TMEM132B: variants seen among roughly 807,000 people sequenced by gnomAD.
TMEM132B encodes transmembrane protein 132B.
In TMEM132B, 18 loss-of-function variants were observed where a neutral mutation model predicts 90.8. That is an observed-to-expected ratio of 0.20 (90% CI 0.14 to 0.29). The LOEUF is 0.29. Ranked by LOEUF, TMEM132B falls within the 10% of genes least tolerant of loss-of-function variation. The pLI is 1.00. For synonymous variants in TMEM132B, 504 were observed against 523.3 expected (o/e 0.96, Z 0.50); for missense variants, 1,096 against 1,326.8 (o/e 0.83, Z 2.70).
chr12:125,620,031 T>G (rs1886082797), intron 5 of TMEM132B, among the ~76,000 whole-genome samples: 1 of 152,182 alleles, frequency 6.6e-6, no homozygotes, highest in African/African-American at 2.4e-5. Flanking sequence ...TGTTTAGTCA[T>G]CAGTAAGATG....
rs144013149 is a variant in TMEM132B, at chr12:125,629,374, C to T, written c.1438-14702C>T. 5.8e-3 allele frequency among the ~76,000 whole-genome samples: 886 copies of T among 151,910 alleles called. 4 individuals carry two copies. The highest frequency in any genetic ancestry group is 8.1e-3 in the Non-Finnish European group (552 of 67,862). ...GATCGTTTACTTCTTTGGTTAATTC[C>T]TAGGAATTTAATGTTATTTATTGCT... On this transcript the variant is annotated intron_variant, in intron 5 of 8. Coordinates refer to ENST00000682704, the MANE Select transcript of TMEM132B (RefSeq NM_001366854.1).
At chr12:125,632,455 A>AT (rs1287403432) in intron 5 of TMEM132B, among the ~76,000 whole-genome samples, 1 of 151,890 alleles carries the variant, frequency 6.6e-6, no homozygotes, top group Non-Finnish European at 1.5e-5. Context: ...AATATTCTGT[A>AT]TTTTTCTGTG....
intron 1 of TMEM132B, among the ~76,000 whole-genome samples, chr12:125,303,957 C>T (rs746337321): frequency 1.3e-4 from 20 of 152,168 alleles, no homozygotes; most frequent in Admixed American, 3.9e-4. Flanking sequence ...GGTATAGTGT[C>T]CTCCAATGTA....
Position 125,420,377 on chromosome 12 carries a change from C to A in TMEM132B, c.1106+4700C>A, listed in dbSNP as rs112214645. Among the ~76,000 whole-genome samples the A allele has an allele frequency of 7.7e-3, 1,173 of 152,336 alleles. 16 individuals are homozygous for A. Among genetic ancestry groups the A allele is most frequent in the African/African-American group, 0.027 (1,119 of 41,576 alleles). On this transcript the variant is annotated intron_variant, in intron 3 of 8. Coordinates refer to ENST00000682704, the MANE Select transcript of TMEM132B (RefSeq NM_001366854.1). ...TTCTTAACTTCTGTGCACCTTCAGG[C>A]CCAACACCACATGTAAGCTGCTAAG...
intron 4 of TMEM132B, among the ~76,000 whole-genome samples, chr12:125,546,558 T>G (rs1884099560): frequency 6.6e-6 from 1 of 152,206 alleles, no homozygotes; most frequent in Non-Finnish European, 1.5e-5. Flanking sequence ...TGTATGTAAT[T>G]TTTGGTCTGG....
chr12:125,187,434 C>T (rs1043222048), intron 1 of TMEM132B, among the ~76,000 whole-genome samples: 2 of 152,204 alleles, frequency 1.3e-5, no homozygotes, highest in African/African-American at 4.8e-5. Context: ...CAAATGGCCT[C>T]CTCTTGGCCA....
At chr12:125,299,996 C>G (rs1484964287) in intron 1 of TMEM132B, among the ~76,000 whole-genome samples, 1 of 152,234 alleles carries the variant, frequency 6.6e-6, no homozygotes, top group Non-Finnish European at 1.5e-5. Context: ...TGAGGCCCTG[C>G]AGGGTCTGGC....
At chr12:125,260,659 C>A (rs1874542780) in intron 1 of TMEM132B, among the ~76,000 whole-genome samples, 1 of 152,034 alleles carries the variant, frequency 6.6e-6, no homozygotes, top group African/African-American at 2.4e-5. Context: ...TTAAATTGCC[C>A]CACTTGTTTT....
chr12:125,299,138 C>A (rs1875748100), intron 1 of TMEM132B, among the ~76,000 whole-genome samples: 1 of 152,324 alleles, frequency 6.6e-6, no homozygotes, highest in South Asian at 2.1e-4. Flanking sequence ...CAGGTGTGCA[C>A]CCTGGCGCTC....
At chr12:125,239,125 T>G (rs1166468270) in intron 1 of TMEM132B, among the ~76,000 whole-genome samples, 1 of 151,906 alleles carries the variant, frequency 6.6e-6, no homozygotes. Context: ...AGGTGATGGA[T>G]GGACAATTCA....
intron 2 of TMEM132B, among the ~76,000 whole-genome samples, chr12:125,352,483 C>T (rs1877621047): frequency 1.3e-5 from 2 of 152,220 alleles, no homozygotes; most frequent in South Asian, 2.1e-4. Flanking sequence ...CAGCTGTGTG[C>T]CCTTCGGCAA....
At chr12:125,256,106 C>A (rs1044307274) in intron 1 of TMEM132B, among the ~76,000 whole-genome samples, 13 of 152,126 alleles carry the variant, frequency 8.5e-5, no homozygotes, top group Admixed American at 8.5e-4. Flanking sequence ...TCATCAAACT[C>A]TGAAGATCTT....
chr12:125,362,723 CCTT>C (rs1877999281), intron 2 of TMEM132B, among the ~76,000 whole-genome samples: 1 of 152,144 alleles, frequency 6.6e-6, no homozygotes, highest in African/African-American at 2.4e-5. Context: ...CAGTATTTGT[CCTT>C]CTATAATTGG....
chr12:125,442,008 A>G (rs1880888513), intron 3 of TMEM132B, among the ~76,000 whole-genome samples: 1 of 152,236 alleles, frequency 6.6e-6, no homozygotes, highest in Non-Finnish European at 1.5e-5. Flanking sequence ...ATACACCATT[A>G]GGGGAATGAA....
At chr12:125,644,970 C>G (rs1886723731) in intron 6 of TMEM132B, among the ~76,000 whole-genome samples, 1 of 152,120 alleles carries the variant, frequency 6.6e-6, no homozygotes, top group African/African-American at 2.4e-5. Flanking sequence ...GTAATCCCAG[C>G]ACTTTGGGAG....
chr12:125,260,197 A>T (rs980743700), intron 1 of TMEM132B, among the ~76,000 whole-genome samples: 2 of 152,176 alleles, frequency 1.3e-5, no homozygotes, highest in Non-Finnish European at 2.9e-5. Flanking sequence ...GTCAACGTTT[A>T]TGGAGCTTTG....
At chr12:125,528,575 A>C (rs1257742430) in intron 4 of TMEM132B, among the ~76,000 whole-genome samples, 1 of 152,220 alleles carries the variant, frequency 6.6e-6, no homozygotes, top group Non-Finnish European at 1.5e-5. Context: ...TTAGGCAGAC[A>C]AGGCCTCAAC....
intron 2 of TMEM132B, among the ~76,000 whole-genome samples, chr12:125,386,961 ACTCATAGTTAGT>A (rs1180254089): frequency 6.6e-6 from 1 of 152,076 alleles, no homozygotes; most frequent in African/African-American, 2.4e-5. Flanking sequence ...GGTGTGTGGT[ACTCATAGTTAGT>A]CTCTAAAGGC....
intron 1 of TMEM132B, among the ~76,000 whole-genome samples, chr12:125,312,708 C>T (rs1184401969): frequency 6.6e-6 from 1 of 152,206 alleles, no homozygotes; most frequent in Non-Finnish European, 1.5e-5. Context: ...ACCGTGAGAG[C>T]TGTTCCTACA....
Sources: gnomAD v4.1 joint callset for allele counts (sites outside exome capture counted in the v4.1 genomes callset) on GRCh38, gnomAD v4.1.1 for gene constraint, MANE v1.5 for transcripts, NCBI Gene and HGNC (gene_info 2026-07-23, HGNC 2026-07-21) for gene names.